AP3S1: variants seen among roughly 807,000 people sequenced by gnomAD.
AP3S1 encodes the protein adaptor related protein complex 3 subunit sigma 1.
In AP3S1, 12 loss-of-function variants were observed where a neutral mutation model predicts 21.3. The ratio of observed to expected loss-of-function variants is 0.56; its 90% CI spans 0.36 to 0.91. The LOEUF (loss-of-function observed/expected upper bound fraction) is 0.91. Ranked by LOEUF, AP3S1 falls within the 40% of genes least tolerant of loss-of-function variation. The pLI, the probability that AP3S1 is intolerant of heterozygous loss-of-function variation, is 0.01. For synonymous variants in AP3S1, 48 were observed against 78.4 expected (o/e 0.61, Z 2.05); for missense variants, 116 against 225.0 (o/e 0.52, Z 3.10).
intron 3 of AP3S1, among the ~76,000 whole-genome samples, chr5:115,884,940 A>G (rs1003417853): frequency 2.0e-5 from 3 of 152,212 alleles, no homozygotes; most frequent in African/African-American, 7.2e-5. Context: ...TATCACATAG[A>G]AAAATGGTTG....
At chr5:115,896,756 G>A (rs1211364615) in intron 4 of AP3S1, among the ~76,000 whole-genome samples, 4 of 152,100 alleles carry the variant, frequency 2.6e-5, no homozygotes, top group Non-Finnish European at 4.4e-5. Context: ...CTTCAGCCTG[G>A]GTGACAGAGT....
At chr5:115,842,259 G>T (rs1261653736) in intron 1 of AP3S1, among the ~76,000 whole-genome samples, 153 bp downstream of exon 1, 2 of 152,116 alleles carry the variant, frequency 1.3e-5, no homozygotes, top group African/African-American at 4.8e-5. Context: ...GCCTCCTGGT[G>T]GGTGTGGACA....
intron 1 of AP3S1, among the ~76,000 whole-genome samples, chr5:115,855,328 C>T (rs141870004): frequency 3.3e-5 from 5 of 150,270 alleles, no homozygotes; most frequent in East Asian, 4.0e-4. Flanking sequence ...CGTGAGCCAC[C>T]GTGCCTAGTC....
intron 1 of AP3S1, among the ~76,000 whole-genome samples, chr5:115,864,689 A>G (rs1303535476): frequency 6.6e-6 from 1 of 152,242 alleles, no homozygotes; most frequent in East Asian, 1.9e-4. Flanking sequence ...CATGGAAGAG[A>G]TTGTGAATGT....
intron 3 of AP3S1, among the ~76,000 whole-genome samples, chr5:115,881,076 T>G (rs1480277797): frequency 1.3e-5 from 2 of 152,178 alleles, no homozygotes; most frequent in Middle Eastern, 3.2e-3. Flanking sequence ...ATACCATTAT[T>G]TTGAGCCTGT....
At chr5:115,868,951 A>AAGGGAGGGAGGCAGGGAGGGAGGGAGGG in intron 2 of AP3S1, among the ~76,000 whole-genome samples, 1 of 43,634 alleles carries the variant, frequency 2.3e-5, no homozygotes, top group African/African-American at 1.0e-4. Context: ...GGAAGGAAGG[A>AAGGGAGGGAGGCAGGGAGGGAGGGAGGG]AGGGAGGGAG....
At chr5:115,875,705 T>C (rs572128690) in intron 3 of AP3S1, among the ~76,000 whole-genome samples, 4 of 152,296 alleles carry the variant, frequency 2.6e-5, no homozygotes, top group South Asian at 4.1e-4. Flanking sequence ...ATGCCCAGGA[T>C]CATTTTAGGA....
At chr5:115,845,752 C>T (rs1037338125) in intron 1 of AP3S1, among the ~76,000 whole-genome samples, 1 of 137,542 alleles carries the variant, frequency 7.3e-6, no homozygotes, top group African/African-American at 2.7e-5. Context: ...AGGAGAATTG[C>T]TTGAACCTGG....
intron 3 of AP3S1, among the ~76,000 whole-genome samples, chr5:115,890,098 A>T (rs192950670): frequency 6.6e-6 from 1 of 152,132 alleles, no homozygotes; most frequent in East Asian, 1.9e-4. Flanking sequence ...GACACTGTAT[A>T]CTAAAGCTTA....
intron 3 of AP3S1, among the ~76,000 whole-genome samples, chr5:115,884,015 C>T (rs953746025): frequency 1.3e-5 from 2 of 152,048 alleles, no homozygotes; most frequent in South Asian, 2.1e-4. Flanking sequence ...AATTAAATTT[C>T]CTATAGTACA....
At chr5:115,910,281 A>AG (rs1751992670) in intron 5 of AP3S1, among the ~76,000 whole-genome samples, 2 of 151,796 alleles carry the variant, frequency 1.3e-5, no homozygotes, top group Non-Finnish European at 2.9e-5. Context: ...AAAAAAAAAA[A>AG]AAAAAAGTTA....
intron 1 of AP3S1, among the ~76,000 whole-genome samples, chr5:115,843,225 A>C (rs992403477): frequency 6.6e-6 from 1 of 152,220 alleles, no homozygotes; most frequent in African/African-American, 2.4e-5. Flanking sequence ...TTTCAATTCA[A>C]TTTTGAAATT....
At chr5:115,842,710 C>T (rs1056361390) in intron 1 of AP3S1, 1 of 152,252 alleles carries the variant, frequency 6.6e-6, no homozygotes, top group East Asian at 1.9e-4. Flanking sequence ...TGTTTCGATA[C>T]GTGACAGACT....
At chr5:115,858,237 T>A (rs892595694) in intron 1 of AP3S1, among the ~76,000 whole-genome samples, 2 of 152,206 alleles carry the variant, frequency 1.3e-5, no homozygotes, top group African/African-American at 4.8e-5. Flanking sequence ...GGGAAGTAGA[T>A]TTTTTGTGAT....
intron 5 of AP3S1, chr5:115,907,076 TTC>T (rs960918619): frequency 2.3e-6 from 2 of 872,590 alleles, no homozygotes; most frequent in Admixed American, 6.2e-5. Context: ...GTCATGTTTG[TTC>T]TGTTTTGTCT....
intron 2 of AP3S1, 128 bp downstream of exon 2, chr5:115,866,889 A>G: frequency 9.1e-6 from 4 of 441,570 alleles, no homozygotes; most frequent in Non-Finnish European, 1.6e-5. Context: ...ATTGCCACCT[A>G]TGTTAGCTAT....
intron 3 of AP3S1, among the ~76,000 whole-genome samples, chr5:115,891,545 G>A (rs955524509): frequency 5.3e-5 from 8 of 152,094 alleles, no homozygotes; most frequent in Non-Finnish European, 1.0e-4. Flanking sequence ...GAACTCAGGG[G>A]AACACATTTA....
At position 115,913,984 on chromosome 5, in the gene AP3S1, A is replaced by C. The variant is rs936761837; in HGVS notation, c.*494A>C. ...AACTCCAAGGTAACTGGACTTCTAA[A>C]GCACCTTTCTGTTTGCCTGATATCT... On this transcript the variant is annotated 3_prime_UTR_variant, in exon 6 of 6. Coordinates refer to ENST00000316788, the MANE Select transcript of AP3S1 (RefSeq NM_001284.4). 2 of 152,576 alleles carry C rather than the reference A, an allele frequency of 1.3e-5. No homozygotes were observed. Among genetic ancestry groups the C allele is most frequent in the African/African-American group, 4.8e-5 (2 of 41,448 alleles). 9.5% of individuals were successfully genotyped at this position (152,576 alleles called of 1,614,324 possible).
intron 1 of AP3S1, among the ~76,000 whole-genome samples, chr5:115,866,329 G>A: frequency 6.6e-6 from 1 of 152,048 alleles, no homozygotes; most frequent in Non-Finnish European, 1.5e-5. Context: ...TTCTGATTCA[G>A]TTTACTCATT....
Sources: gnomAD v4.1 joint callset for allele counts (sites outside exome capture counted in the v4.1 genomes callset) on GRCh38, gnomAD v4.1.1 for gene constraint, MANE v1.5 for transcripts, NCBI Gene and HGNC (gene_info 2026-07-23, HGNC 2026-07-21) for gene names.